SPOCK3: variants seen among roughly 807,000 people sequenced by gnomAD.
The protein encoded by SPOCK3 is testican-3.
In SPOCK3, 30 loss-of-function variants were observed where a neutral mutation model predicts 56.6. The ratio of observed to expected loss-of-function variants is 0.53; its 90% CI spans 0.40 to 0.72. SPOCK3 has a LOEUF of 0.72. Among genes scored for constraint, SPOCK3 ranks in the 30% least tolerant of loss-of-function variants. The pLI, the probability that SPOCK3 is intolerant of heterozygous loss-of-function variation, is 0.00. For missense variants in SPOCK3, 527 were observed against 530.0 expected (o/e 0.99, Z 0.06); for synonymous variants, 196 against 183.3 (o/e 1.07, Z -0.56).
At chr4:166,906,648 T>G (rs1736648330) in intron 5 of SPOCK3, among the ~76,000 whole-genome samples, 1 of 151,970 alleles carries the variant, frequency 6.6e-6, no homozygotes, top group Non-Finnish European at 1.5e-5. Flanking sequence ...TTATTTATCA[T>G]GCATAATATC....
intron 2 of SPOCK3, among the ~76,000 whole-genome samples, chr4:167,103,844 C>T (rs1364354133): frequency 6.6e-6 from 1 of 152,138 alleles, no homozygotes; most frequent in East Asian, 1.9e-4. Context: ...GTTGTGGCCA[C>T]AGGGTTGCTT....
intron 6 of SPOCK3, among the ~76,000 whole-genome samples, chr4:166,874,399 G>C (rs532801024): frequency 6.6e-6 from 1 of 152,212 alleles, no homozygotes; most frequent in East Asian, 1.9e-4. Flanking sequence ...CTTCCAAGTA[G>C]GGAAAAAGCA....
At chr4:167,167,328 G>T (rs757373993) in intron 2 of SPOCK3, among the ~76,000 whole-genome samples, 8 of 152,106 alleles carry the variant, frequency 5.3e-5, no homozygotes, top group Non-Finnish European at 1.2e-4. Context: ...TTGCGTTTTG[G>T]TGAGAATGGA....
chr4:166,868,307 A>G (rs949553970), intron 6 of SPOCK3, among the ~76,000 whole-genome samples: 7 of 151,860 alleles, frequency 4.6e-5, no homozygotes, highest in Admixed American at 6.6e-5. Flanking sequence ...GAAAAGAAAA[A>G]AAAAAACCTA....
intron 2 of SPOCK3, 67 bp from the exon 3 acceptor site, chr4:167,062,604 C>T: frequency 3.1e-6 from 4 of 1,275,970 alleles, no homozygotes; most frequent in Non-Finnish European, 4.5e-6. Context: ...CATATAAAAT[C>T]TAAAATTAAA....
At chr4:166,983,317 T>C (rs915100662) in intron 4 of SPOCK3, among the ~76,000 whole-genome samples, 1 of 152,112 alleles carries the variant, frequency 6.6e-6, no homozygotes, top group African/African-American at 2.4e-5. Flanking sequence ...TATATTTAAA[T>C]GAATATTATC....
At chr4:166,826,626 A>G (rs1745509709) in intron 6 of SPOCK3, among the ~76,000 whole-genome samples, 1 of 152,176 alleles carries the variant, frequency 6.6e-6, no homozygotes, top group Admixed American at 6.6e-5. Flanking sequence ...AAGAGCACGT[A>G]TAATTTTACA....
At chr4:166,779,558 C>T (rs898684516) in intron 7 of SPOCK3, among the ~76,000 whole-genome samples, 4 of 150,732 alleles carry the variant, frequency 2.7e-5, no homozygotes, top group Non-Finnish European at 5.9e-5. Context: ...GAATATAGAT[C>T]AATCAAAATT....
intron 7 of SPOCK3, among the ~76,000 whole-genome samples, chr4:166,769,692 A>G (rs1348587275): frequency 6.6e-6 from 1 of 152,136 alleles, no homozygotes; most frequent in Non-Finnish European, 1.5e-5. Context: ...CTGTGCTGGG[A>G]GAAGCACTAC....
chr4:167,169,611 G>T (rs1332545331), intron 2 of SPOCK3, among the ~76,000 whole-genome samples: 2 of 152,180 alleles, frequency 1.3e-5, no homozygotes, highest in Non-Finnish European at 2.9e-5. Context: ...CATTGTCTCA[G>T]ATGAGAATTT....
intron 2 of SPOCK3, among the ~76,000 whole-genome samples, chr4:167,159,304 C>T (rs1382877074): frequency 6.6e-6 from 1 of 151,806 alleles, no homozygotes; most frequent in Non-Finnish European, 1.5e-5. Flanking sequence ...AACAACTACC[C>T]AAAATATGGC....
At chr4:166,788,561 TATGA>T (rs1222520717) in intron 7 of SPOCK3, among the ~76,000 whole-genome samples, 1 of 151,802 alleles carries the variant, frequency 6.6e-6, no homozygotes, top group East Asian at 1.9e-4. Flanking sequence ...TAAAGAAGTA[TATGA>T]ATATTAAAAA....
intron 4 of SPOCK3, among the ~76,000 whole-genome samples, chr4:166,981,437 A>G (rs553660156): frequency 7.2e-4 from 110 of 152,086 alleles, no homozygotes; most frequent in African/African-American, 2.5e-3. Flanking sequence ...TGGAGTGGGT[A>G]GCTCCTTTCT....
At chr4:167,029,471 G>T (rs1752054430) in intron 3 of SPOCK3, among the ~76,000 whole-genome samples, 1 of 151,780 alleles carries the variant, frequency 6.6e-6, no homozygotes, top group African/African-American at 2.4e-5. Flanking sequence ...TTTAGAAGGG[G>T]ACTAAGGGTG....
intron 2 of SPOCK3, among the ~76,000 whole-genome samples, chr4:167,103,405 T>C (rs1759825951): frequency 1.3e-5 from 2 of 152,154 alleles, no homozygotes; most frequent in East Asian, 1.9e-4. Context: ...CTGACAGCAT[T>C]TACCATAAGC....
At chr4:167,116,909 G>GTATATATATATA (rs1446671235) in intron 2 of SPOCK3, among the ~76,000 whole-genome samples, 2,207 of 123,170 alleles carry the variant, frequency 0.018, 59 homozygotes, top group East Asian at 0.027. Flanking sequence ...TTGTGTGTGT[G>GTATATATATATA]TGTGTATATA....
At chr4:167,032,758 A>G (rs759119234) in intron 3 of SPOCK3, among the ~76,000 whole-genome samples, 6 of 152,026 alleles carry the variant, frequency 3.9e-5, no homozygotes, top group Non-Finnish European at 8.8e-5. Context: ...CTCAACTTAA[A>G]TGACATTTTG....
chr4:167,058,357 C>A (rs190303032), intron 3 of SPOCK3, among the ~76,000 whole-genome samples: 1 of 152,234 alleles, frequency 6.6e-6, no homozygotes, highest in East Asian at 1.9e-4. Context: ...ACACCAATAA[C>A]AGGCAAACAG....
chr4:166,952,403 A>G (rs942969778), intron 4 of SPOCK3, among the ~76,000 whole-genome samples: 1 of 152,182 alleles, frequency 6.6e-6, no homozygotes, highest in African/African-American at 2.4e-5. Context: ...TTCAAGGAGA[A>G]CTACAAACCA....
Sources: allele counts gnomAD v4.1 joint callset (sites outside exome capture counted in the v4.1 genomes callset), GRCh38; gene constraint gnomAD v4.1.1; transcripts MANE v1.5; gene names NCBI Gene and HGNC (gene_info 2026-07-23, HGNC 2026-07-21).